Variants in KDM7A observed in about 807,000 individuals in gnomAD.
The protein encoded by KDM7A is lysine demethylase 7A, also known as lysine-specific demethylase 7A.
In KDM7A, 28 loss-of-function variants were observed where a neutral mutation model predicts 114.8. The ratio of observed to expected loss-of-function variants is 0.24; its 90% CI spans 0.18 to 0.33. The LOEUF (loss-of-function observed/expected upper bound fraction) is 0.33. Among genes scored for constraint, KDM7A ranks in the 10% least tolerant of loss-of-function variants. The pLI is 1.00. For synonymous variants in KDM7A, 423 were observed against 397.8 expected, an observed-to-expected ratio of 1.06 and a Z score of -0.75; for missense variants, 942 against 1,142.5, an observed-to-expected ratio of 0.82 and a Z score of 2.53.
chr7:140,164,246 G>T (rs972692727), intron 1 of KDM7A, among the ~76,000 whole-genome samples: 2 of 152,186 alleles, frequency 1.3e-5, no homozygotes, highest in Non-Finnish European at 2.9e-5. Context: ...ACCACTTTGT[G>T]CAACAAAGAG....
intron 11 of KDM7A, among the ~76,000 whole-genome samples, chr7:140,106,251 G>C (rs1044445489): frequency 6.6e-6 from 1 of 151,928 alleles, no homozygotes; most frequent in Non-Finnish European, 1.5e-5. Context: ...TAGATTCATT[G>C]ATTTTTTTGA....
At chr7:140,175,395 T>C (rs1000558645) in intron 1 of KDM7A, among the ~76,000 whole-genome samples, 1 of 152,134 alleles carries the variant, frequency 6.6e-6, no homozygotes, top group Non-Finnish European at 1.5e-5. Flanking sequence ...TGTATTTAAA[T>C]GTCCTGCTGT....
rs1258305788 is a variant in KDM7A at position 140,088,737 on chromosome 7, A to C, written c.*2357T>G. On this transcript the variant is annotated 3_prime_UTR_variant, in exon 20 of 20. Coordinates refer to ENST00000397560, the MANE Select transcript of KDM7A (RefSeq NM_030647.2). Reference sequence around the variant, plus strand: ...AGCCACTTATTAAGGGGCTAAAACTACTAAAAATGAATCCACAGTACCTTC... The same window carrying C: ...AGCCACTTATTAAGGGGCTAAAACTCCTAAAAATGAATCCACAGTACCTTC... 1 of 382,462 alleles carries C rather than the reference A, an allele frequency of 2.6e-6. No homozygotes were observed. The highest frequency in any genetic ancestry group is 2.1e-5 in the African/African-American group (1 of 48,232). The allele number at this position is 382,462 out of a possible 1,614,324, so 23.7% of individuals were successfully genotyped here.
intron 1 of KDM7A, among the ~76,000 whole-genome samples, chr7:140,148,250 C>G (rs1456815615): frequency 6.6e-6 from 1 of 151,250 alleles, no homozygotes; most frequent in Non-Finnish European, 1.5e-5. Context: ...AATTTGTTTT[C>G]TATTTTTAAT....
Position 140,176,691 on chromosome 7 carries a change from G to A in KDM7A, c.194+53C>T, listed in dbSNP as rs1487942071. The A allele has an allele frequency of 1.4e-5, 16 of 1,124,780 alleles. No homozygotes were observed. The highest frequency in any genetic ancestry group is 4.2e-5 in the Admixed American group (1 of 23,838). The allele number at this position is 1,124,780 out of a possible 1,614,324, so 69.7% of individuals were successfully genotyped here. A position where few individuals can be genotyped will look rare whatever the true frequency, so the allele number is the denominator to read the frequency against. ...GGCGCGGGCGGCCGGCGGCGGCGGC[G>A]GTTGGTCGGTGGCCGGCGGTGGCGG... On this transcript the variant is annotated intron_variant, in intron 1 of 19. Transcript: ENST00000397560. The surrounding 1 kb of genome is among the most constrained non-coding windows in gnomAD (Gnocchi z 4.4).
At chr7:140,164,773 A>G (rs1794555891) in intron 1 of KDM7A, among the ~76,000 whole-genome samples, 1 of 152,230 alleles carries the variant, frequency 6.6e-6, no homozygotes, top group Admixed American at 6.5e-5. Flanking sequence ...ATATGGTATC[A>G]GGAATTTGCT....
intron 1 of KDM7A, among the ~76,000 whole-genome samples, chr7:140,171,499 C>T (rs1378086302): frequency 1.5e-5 from 2 of 129,530 alleles, no homozygotes; most frequent in South Asian, 2.4e-4. Flanking sequence ...TATTTATATA[C>T]ATATTTTATA....
chr7:140,143,853 C>T (rs1794311726), intron 1 of KDM7A, among the ~76,000 whole-genome samples: 1 of 152,176 alleles, frequency 6.6e-6, no homozygotes, highest in Non-Finnish European at 1.5e-5. Context: ...CATAAGTTTA[C>T]TTTATTTGTC....
At chr7:140,123,347 A>G (rs1562952318) in intron 7 of KDM7A, among the ~76,000 whole-genome samples, 1 of 152,168 alleles carries the variant, frequency 6.6e-6, no homozygotes, top group Non-Finnish European at 1.5e-5. Context: ...TTTACCCAAA[A>G]GCAATGAAAA....
chr7:140,090,815 C>A lies in KDM7A; in HGVS notation c.*279G>T. ...TGAAAATACATCAAGACACTACCAA[C>A]AACAAAATAAAATTCAAGCCCTGAC... On this transcript the variant is annotated 3_prime_UTR_variant, in exon 20 of 20. Transcript: ENST00000397560. 1 of 386,496 alleles carries A rather than the reference C, an allele frequency of 2.6e-6. No individual in the cohort carries two copies. The allele number at this position is 386,496 out of a possible 1,614,324, so 23.9% of individuals were successfully genotyped here.
In KDM7A at chr7:140,135,408, G is replaced by A. The variant is rs181580254; in HGVS notation, c.281-1752C>T. On this transcript the variant is annotated intron_variant, in intron 2 of 19. Coordinates refer to ENST00000397560, the MANE Select transcript of KDM7A (RefSeq NM_030647.2). ...AGTAGAGATGGGGTTTCACCATGTT[G>A]GCCAGGATGGTCTCGATCTCCTGAC... 2.1e-3 allele frequency among the ~76,000 whole-genome samples: 314 copies of A among 151,976 alleles called. 1 individual carries two copies. The highest frequency in any genetic ancestry group is 5.5e-3 in the African/African-American group (227 of 41,460).
chr7:140,152,227 G>C (rs921383198), intron 1 of KDM7A, among the ~76,000 whole-genome samples: 3 of 152,172 alleles, frequency 2.0e-5, no homozygotes, highest in Admixed American at 6.5e-5. Flanking sequence ...TTTCATTCTT[G>C]ATGAAAGACG....
intron 1 of KDM7A, among the ~76,000 whole-genome samples, chr7:140,156,835 G>T (rs1794462940): frequency 6.6e-6 from 1 of 152,152 alleles, no homozygotes; most frequent in South Asian, 2.1e-4. Flanking sequence ...GAAAGCCAGG[G>T]GATCCGGGTG....
intron 1 of KDM7A, among the ~76,000 whole-genome samples, chr7:140,144,651 T>C (rs1025366582): frequency 1.3e-5 from 2 of 151,742 alleles, no homozygotes; most frequent in African/African-American, 4.8e-5. Flanking sequence ...CACAATAAGA[T>C]TGCTAGCTAG....
intron 12 of KDM7A, among the ~76,000 whole-genome samples, chr7:140,100,681 C>CATATATATATAT (rs1318217688): frequency 6.8e-5 from 3 of 44,362 alleles, no homozygotes; most frequent in African/African-American, 9.5e-5. Flanking sequence ...TATATATATA[C>CATATATATATAT]ATATATACAT....
chr7:140,106,962 G>A (rs1818347729), intron 11 of KDM7A, among the ~76,000 whole-genome samples: 1 of 152,118 alleles, frequency 6.6e-6, no homozygotes, highest in African/African-American at 2.4e-5. Flanking sequence ...TTATGAATCT[G>A]GGTGCATATA....
chr7:140,100,458 A>C (rs554171968), intron 12 of KDM7A, among the ~76,000 whole-genome samples: 1 of 151,838 alleles, frequency 6.6e-6, no homozygotes, highest in South Asian at 2.1e-4. Flanking sequence ...CACTGCTACC[A>C]CTAGGAACAA....
chr7:140,098,531 TG>T (rs1818152609), intron 14 of KDM7A, among the ~76,000 whole-genome samples: 1 of 152,204 alleles, frequency 6.6e-6, no homozygotes, highest in African/African-American at 2.4e-5. Flanking sequence ...ACATGGTAGC[TG>T]AACTTACATA....
intron 9 of KDM7A, 152 bp from the exon 10 acceptor site, chr7:140,113,734 A>G (rs62491409): frequency 0.067 from 31,897 of 474,918 alleles, 1,360 homozygotes; most frequent in Non-Finnish European, 0.086. Context: ...AAACAATTCA[A>G]AAAGACAATA....
Sources: gnomAD v4.1 joint callset for allele counts (sites outside exome capture counted in the v4.1 genomes callset) on GRCh38, gnomAD v4.1.1 for gene constraint, Gnocchi (gnomAD v3.1) non-coding constraint, MANE v1.5 for transcripts, NCBI Gene and HGNC (gene_info 2026-07-23, HGNC 2026-07-21) for gene names.